SPMIP6: variants seen among roughly 807,000 people sequenced by gnomAD.
SPMIP6 encodes ciliated bronchial epithelial protein 1.
chr9:34,388,625 G>A, the SPMIP6 span, among the ~76,000 whole-genome samples: 1 of 152,058 alleles, frequency 6.6e-6, no homozygotes, highest in Non-Finnish European at 1.5e-5. Flanking sequence ...AGCTTTCTCC[G>A]ATCTGCTAAG....
the SPMIP6 span, among the ~76,000 whole-genome samples, chr9:34,395,587 CCA>C: frequency 1.3e-5 from 2 of 152,178 alleles, no homozygotes; most frequent in Non-Finnish European, 2.9e-5. Context: ...ACTTCACCCA[CCA>C]TTTATATGAT....
the SPMIP6 span, chr9:34,381,413 A>G: frequency 3.1e-6 from 5 of 1,614,022 alleles, no homozygotes; most frequent in Non-Finnish European, 4.2e-6. This position sits in a 1 kb window ranked among gnomAD's most constrained non-coding sequence, Gnocchi z 4.4. Context: ...TTCCAAGGGC[A>G]TTCCTCGAAC....
the SPMIP6 span, among the ~76,000 whole-genome samples, chr9:34,384,608 C>T: frequency 6.6e-6 from 1 of 152,150 alleles, no homozygotes; most frequent in Non-Finnish European, 1.5e-5. Flanking sequence ...TTTATTGTTT[C>T]ATCATAGGAG....
chr9:34,387,345 A>G, the SPMIP6 span, among the ~76,000 whole-genome samples: 1 of 152,202 alleles, frequency 6.6e-6, no homozygotes, highest in African/African-American at 2.4e-5. Flanking sequence ...AAGTGCTCCA[A>G]CCATCCTCAA....
chr9:34,392,012 T>C, the SPMIP6 span, among the ~76,000 whole-genome samples: 14 of 152,298 alleles, frequency 9.2e-5, no homozygotes, highest in African/African-American at 3.4e-4. The surrounding 1 kb of genome is among the most constrained non-coding windows in gnomAD (Gnocchi z 4.6). Context: ...ATTTTTATTT[T>C]TAAAACATTT....
At chr9:34,385,952 C>T in the SPMIP6 span, among the ~76,000 whole-genome samples, 3 of 152,208 alleles carry the variant, frequency 2.0e-5, no homozygotes, top group Non-Finnish European at 1.5e-5. Flanking sequence ...CTGCACAGTG[C>T]TCTTGTCTGA....
At chr9:34,386,977 C>T in the SPMIP6 span, among the ~76,000 whole-genome samples, 23 of 151,958 alleles carry the variant, frequency 1.5e-4, no homozygotes, top group East Asian at 3.9e-4. Flanking sequence ...TTCCTCATAA[C>T]GGGCAGTGAG....
At chr9:34,381,769 A>G in the SPMIP6 span, 6 of 985,212 alleles carry the variant, frequency 6.1e-6, no homozygotes, top group Middle Eastern at 1.0e-3. This position sits in a 1 kb window ranked among gnomAD's most constrained non-coding sequence, Gnocchi z 4.4. Context: ...TGTCTCTCTA[A>G]TAGGGGGTTT....
chr9:34,379,657 A>G, the SPMIP6 span: 2 of 1,613,998 alleles, frequency 1.2e-6, no homozygotes, highest in African/African-American at 2.7e-5. This position sits in a 1 kb window ranked among gnomAD's most constrained non-coding sequence, Gnocchi z 4.2. Flanking sequence ...TAAGGTTCGG[A>G]TATGGGTAGT....
the SPMIP6 span, among the ~76,000 whole-genome samples, chr9:34,383,755 G>A: frequency 1.6e-4 from 24 of 152,182 alleles, no homozygotes; most frequent in Non-Finnish European, 3.2e-4. Flanking sequence ...TTTAAAATGG[G>A]GATAATAGTA....
chr9:34,391,785 G>T, the SPMIP6 span, among the ~76,000 whole-genome samples: 2 of 152,006 alleles, frequency 1.3e-5, no homozygotes, highest in African/African-American at 4.8e-5. Context: ...CTTAGTACTT[G>T]GTCCACTTTT....
At chr9:34,391,718 G>C in the SPMIP6 span, among the ~76,000 whole-genome samples, 8 of 152,170 alleles carry the variant, frequency 5.3e-5, no homozygotes, top group African/African-American at 1.9e-4. Flanking sequence ...ATTGAGGTTA[G>C]AGACAGTTAT....
chr9:34,386,265 A>G, the SPMIP6 span, among the ~76,000 whole-genome samples: 9 of 152,152 alleles, frequency 5.9e-5, no homozygotes, highest in African/African-American at 2.2e-4. Context: ...CATCTTAAAG[A>G]AAATGAAGGA....
At chr9:34,397,469 C>T in the SPMIP6 span, 1 of 1,613,516 alleles carries the variant, frequency 6.2e-7, no homozygotes, top group East Asian at 2.2e-5. Context: ...TACACTCTGG[C>T]CTGCCCCTCC....
chr9:34,388,307 A>ATTTTTTT, the SPMIP6 span, among the ~76,000 whole-genome samples: 1 of 133,792 alleles, frequency 7.5e-6, no homozygotes. Flanking sequence ...CTCCCAGCTA[A>ATTTTTTT]TTTTTTTTTT....
the SPMIP6 span, among the ~76,000 whole-genome samples, chr9:34,395,756 T>C: frequency 6.6e-6 from 1 of 152,200 alleles, no homozygotes; most frequent in Admixed American, 6.5e-5. Flanking sequence ...AAACCTCAGT[T>C]GATAGCATTA....
At chr9:34,390,535 T>A in the SPMIP6 span, among the ~76,000 whole-genome samples, 1 of 152,366 alleles carries the variant, frequency 6.6e-6, no homozygotes, top group African/African-American at 2.4e-5. Flanking sequence ...ATTTTTCTAA[T>A]GTTAAACTAT....
At chr9:34,381,147 C>G in the SPMIP6 span, 1 of 1,568,226 alleles carries the variant, frequency 6.4e-7, no homozygotes, top group Non-Finnish European at 8.7e-7. This position sits in a 1 kb window ranked among gnomAD's most constrained non-coding sequence, Gnocchi z 4.4. Context: ...CCCGCGGGTC[C>G]CCAGCGCAGG....
the SPMIP6 span, chr9:34,381,026 G>T: frequency 2.5e-6 from 4 of 1,611,756 alleles, no homozygotes; most frequent in Non-Finnish European, 2.5e-6. The surrounding 1 kb of genome is among the most constrained non-coding windows in gnomAD (Gnocchi z 4.4). Context: ...ACCATGGAAG[G>T]GCAGGCGGCC....
Sources: gnomAD v4.1 joint callset for allele counts (sites outside exome capture counted in the v4.1 genomes callset) on GRCh38, gnomAD v4.1.1 for gene constraint, Gnocchi (gnomAD v3.1) non-coding constraint, MANE v1.5 for transcripts, NCBI Gene and HGNC (gene_info 2026-07-23, HGNC 2026-07-21) for gene names.